The following CHST12 variants were observed in gnomAD, a reference collection of about 807,000 sequenced individuals.
CHST12 encodes carbohydrate sulfotransferase 12.
In CHST12, 23 loss-of-function variants were observed where a neutral mutation model predicts 27.9. The ratio of observed to expected loss-of-function variants is 0.82; its 90% CI spans 0.59 to 1.17. CHST12 has a LOEUF of 1.17. Ranked by LOEUF, CHST12 falls within the 50% of genes most tolerant of loss-of-function variation. CHST12 has a pLI of 0.00. For missense variants in CHST12, 682 were observed against 603.0 expected, an observed-to-expected ratio of 1.13 and a Z score of -1.37; for synonymous variants, 322 against 273.0, an observed-to-expected ratio of 1.18 and a Z score of -1.77.
chr7:2,446,609 AC>A lies in CHST12; in HGVS notation c.*12727del, dbSNP rs1782759773. 1 of 152,570 alleles carries A rather than the reference AC, an allele frequency of 6.6e-6. No individual in the cohort carries two copies. The highest frequency in any genetic ancestry group is 2.4e-5 in the African/African-American group (1 of 41,316). 9.5% of individuals were successfully genotyped at this position (152,570 alleles called of 1,614,324 possible). A position where few individuals can be genotyped will look rare whatever the true frequency, so the allele number is the denominator to read the frequency against. On this transcript the variant is annotated 3_prime_UTR_variant, in exon 2 of 2. Coordinates refer to ENST00000618655, the MANE Select transcript of CHST12 (RefSeq NM_018641.5). ...TGCCATGAGAATGAGATGTCCAGGG[AC>A]CTCCCTGCTCCAGCTGGGACCTGTG...
chr7:2,415,783 T>A (rs1781791126), intron 1 of CHST12, among the ~76,000 whole-genome samples: 1 of 151,960 alleles, frequency 6.6e-6, no homozygotes, highest in African/African-American at 2.4e-5. Context: ...TGGCTAATTT[T>A]TTTTGTATTT....
chr7:2,426,565 T>C (rs182967786), intron 1 of CHST12, among the ~76,000 whole-genome samples: 13 of 151,732 alleles, frequency 8.6e-5, no homozygotes, highest in African/African-American at 2.9e-4. Context: ...CAGATGTCCT[T>C]GCCTTGTTCA....
intron 1 of CHST12, among the ~76,000 whole-genome samples, chr7:2,415,809 T>C (rs1781791712): frequency 6.6e-6 from 1 of 151,628 alleles, no homozygotes; most frequent in Non-Finnish European, 1.5e-5. Flanking sequence ...AGAGACGGGG[T>C]TTTACCGTGT....
In CHST12 at chr7:2,434,627, G is replaced by C. The variant is rs933990997; in HGVS notation, c.*743G>C. On this transcript the variant is annotated 3_prime_UTR_variant, in exon 2 of 2. Coordinates refer to ENST00000618655, the MANE Select transcript of CHST12 (RefSeq NM_018641.5). Reference sequence around the variant, plus strand: ...AAAAAAAAAAAAAAATGAGTCGGGTGTGGTGGTGTGCACCTGTAGTCCCAG... The same window carrying C: ...AAAAAAAAAAAAAAATGAGTCGGGTCTGGTGGTGTGCACCTGTAGTCCCAG... The C allele has an allele frequency of 6.9e-6, 1 of 145,180 alleles. No homozygotes were observed. The highest frequency in any genetic ancestry group is 1.9e-4 in the East Asian group (1 of 5,160). 9.0% of individuals were successfully genotyped at this position (145,180 alleles called of 1,614,324 possible).
chr7:2,432,439 C>A (rs964155705), intron 1 of CHST12, 124 bp from the exon 2 acceptor site: 5 of 619,842 alleles, frequency 8.1e-6, no homozygotes, highest in African/African-American at 7.4e-5. Context: ...CTCTGGAGGG[C>A]GAGCTGATAT....
Position 2,433,934 on chromosome 7 carries a change from A to T in CHST12, c.*50A>T. On this transcript the variant is annotated 3_prime_UTR_variant, in exon 2 of 2. Transcript: ENST00000618655. The surrounding 1 kb of genome is among the most constrained non-coding windows in gnomAD (Gnocchi z 6.1). ...CGTGCCTGGAACCTGACGCACGCGCACTCCAGTTTTTTTATGACCTACGAT... is the reference window on the plus strand; with the variant it reads ...CGTGCCTGGAACCTGACGCACGCGCTCTCCAGTTTTTTTATGACCTACGAT... 2.0e-6 allele frequency: 3 copies of T among 1,494,340 alleles called. No homozygotes were observed. Among genetic ancestry groups the T allele is most frequent in the Non-Finnish European group, 2.7e-6 (3 of 1,113,250 alleles). 92.6% of individuals were successfully genotyped at this position (1,494,340 alleles called of 1,614,324 possible).
Position 2,448,409 on chromosome 7 carries a change from C to G in CHST12, c.*14525C>G, listed in dbSNP as rs1782808072. 1 of 152,426 alleles carries G rather than the reference C, an allele frequency of 6.6e-6. No individual in the cohort carries two copies. The highest frequency in any genetic ancestry group is 6.5e-5 in the Admixed American group (1 of 15,278). 9.4% of individuals were successfully genotyped at this position (152,426 alleles called of 1,614,324 possible). A position where few individuals can be genotyped will look rare whatever the true frequency, so the allele number is the denominator to read the frequency against. The stretch of plus-strand genomic sequence containing the variant: ...CAGTCCTTGTCCAAACCTCGAAGCT[C>G]AGGACCTCACAGAGCACCACGTCCT... On this transcript the variant is annotated 3_prime_UTR_variant, in exon 2 of 2. Coordinates refer to ENST00000618655, the MANE Select transcript of CHST12 (RefSeq NM_018641.5).
Position 2,438,655 on chromosome 7 carries a change from C to T in CHST12, c.*4771C>T, listed in dbSNP as rs1782531071. ...GCATGGACGTAATTAACCTAAAAGTCTTTAAACGTTTCTCCCGAGTGTTGG... is the reference window on the plus strand; with the variant it reads ...GCATGGACGTAATTAACCTAAAAGTTTTTAAACGTTTCTCCCGAGTGTTGG... On this transcript the variant is annotated 3_prime_UTR_variant, in exon 2 of 2. Coordinates refer to ENST00000618655, the MANE Select transcript of CHST12 (RefSeq NM_018641.5). 3 of 152,220 alleles carry T rather than the reference C, an allele frequency of 2.0e-5. No homozygotes were observed. Among genetic ancestry groups the T allele is most frequent in the African/African-American group, 4.8e-5 (2 of 41,460 alleles). 9.4% of individuals were successfully genotyped at this position (152,220 alleles called of 1,614,324 possible). A position where few individuals can be genotyped will look rare whatever the true frequency, so the allele number is the denominator to read the frequency against.
chr7:2,405,970 G>A (rs1356525276), intron 1 of CHST12, among the ~76,000 whole-genome samples: 3 of 152,232 alleles, frequency 2.0e-5, no homozygotes, highest in East Asian at 1.9e-4. Flanking sequence ...GACCTTGGGC[G>A]TGCAGTTCCT....
At position 2,434,112 on chromosome 7, in the gene CHST12, A is replaced by AGCG. The variant is rs1782400615; in HGVS notation, c.*228_*229insGCG. 1 of 345,906 alleles carries AGCG rather than the reference A, an allele frequency of 2.9e-6. No individual in the cohort carries two copies. Among genetic ancestry groups the AGCG allele is most frequent in the Non-Finnish European group, 5.2e-6 (1 of 193,564 alleles). The allele number at this position is 345,906 out of a possible 1,614,324, so 21.4% of individuals were successfully genotyped here. ...TATCCCCTCTCCCCTCCGCCCGCCC[A>AGCG]CCCGCCCGCCCGCTCGCCCGCTCGC... On this transcript the variant is annotated 3_prime_UTR_variant, in exon 2 of 2. Transcript: ENST00000618655.
chr7:2,430,803 G>T (rs1782253287), intron 1 of CHST12, among the ~76,000 whole-genome samples: 1 of 152,218 alleles, frequency 6.6e-6, no homozygotes, highest in Non-Finnish European at 1.5e-5. Flanking sequence ...GGCCAGGCTG[G>T]TCTCCAACTC....
intron 1 of CHST12, among the ~76,000 whole-genome samples, chr7:2,404,535 C>T (rs1583203178): frequency 6.6e-6 from 1 of 152,262 alleles, no homozygotes; most frequent in Admixed American, 6.5e-5. Context: ...CCAGGCCCTA[C>T]GGTGCTGTTC....
chr7:2,410,911 A>G (rs963670192), intron 1 of CHST12, among the ~76,000 whole-genome samples: 1 of 151,802 alleles, frequency 6.6e-6, no homozygotes, highest in East Asian at 1.9e-4. Context: ...TTGAAAATGG[A>G]TTGTGTGGGC....
Position 2,438,261 on chromosome 7 carries a change from A to G in CHST12, c.*4377A>G, listed in dbSNP as rs534962308. 6.6e-6 allele frequency: 1 copy of G among 152,334 alleles called. No individual in the cohort carries two copies. The highest frequency in any genetic ancestry group is 1.9e-4 in the East Asian group (1 of 5,186). 9.4% of individuals were successfully genotyped at this position (152,334 alleles called of 1,614,324 possible). A position where few individuals can be genotyped will look rare whatever the true frequency, so the allele number is the denominator to read the frequency against. ...GTGACAGGTGTTTCCCTGCGGCAGAATGTTGGGGCCACACCAACGTCCCCA... is the reference window on the plus strand; with the variant it reads ...GTGACAGGTGTTTCCCTGCGGCAGAGTGTTGGGGCCACACCAACGTCCCCA... On this transcript the variant is annotated 3_prime_UTR_variant, in exon 2 of 2. Transcript: ENST00000618655.
intron 1 of CHST12, among the ~76,000 whole-genome samples, chr7:2,423,709 G>A (rs1479517591): frequency 3.3e-5 from 5 of 152,172 alleles, no homozygotes; most frequent in Admixed American, 1.3e-4. Context: ...AATCATCCCA[G>A]CTCCTTTCAT....
rs1034071928 is a variant in CHST12 at position 2,434,099 on chromosome 7, C to T, written c.*215C>T. On this transcript the variant is annotated 3_prime_UTR_variant, in exon 2 of 2. Transcript: ENST00000618655. ...TGCTGGAGTAAAATATCCCCTCTCC[C>T]CTCCGCCCGCCCACCCGCCCGCCCG... The T allele has an allele frequency of 7.1e-6, 3 of 424,628 alleles. No homozygotes were observed. Among genetic ancestry groups the T allele is most frequent in the East Asian group, 7.8e-5 (2 of 25,760 alleles). 26.3% of individuals were successfully genotyped at this position (424,628 alleles called of 1,614,324 possible).
Position 2,434,145 on chromosome 7 carries a change from T to TCGCCCGCTCGCCCGCTCGCCC in CHST12, c.*261_*262insCGCCCGCTCGCCCGCTCGCCC. The TCGCCCGCTCGCCCGCTCGCCC allele has an allele frequency of 3.8e-6, 1 of 265,488 alleles. No individual in the cohort carries two copies. The highest frequency in any genetic ancestry group is 6.9e-6 in the Non-Finnish European group (1 of 144,416). 16.4% of individuals were successfully genotyped at this position (265,488 alleles called of 1,614,324 possible). A position where few individuals can be genotyped will look rare whatever the true frequency, so the allele number is the denominator to read the frequency against. ...GCCCGCTCGCCCGCTCGCCCGCTCC[T>TCGCCCGCTCGCCCGCTCGCCC]GTGGTTTTTCTGAGCGTGCGGGCGC... On this transcript the variant is annotated 3_prime_UTR_variant, in exon 2 of 2. Coordinates refer to ENST00000618655, the MANE Select transcript of CHST12 (RefSeq NM_018641.5).
At chr7:2,410,196 G>T (rs1335131665) in intron 1 of CHST12, among the ~76,000 whole-genome samples, 1 of 152,210 alleles carries the variant, frequency 6.6e-6, no homozygotes, top group African/African-American at 2.4e-5. Flanking sequence ...TAGGCAATCA[G>T]AGTTTGTCTG....
chr7:2,427,071 C>T (rs1452812534), intron 1 of CHST12, among the ~76,000 whole-genome samples: 2 of 141,028 alleles, frequency 1.4e-5, no homozygotes, highest in South Asian at 2.2e-4. Flanking sequence ...TTTGCAAGGC[C>T]GAGGTGGCCA....
Sources: allele counts gnomAD v4.1 joint callset (sites outside exome capture counted in the v4.1 genomes callset), GRCh38; gene constraint gnomAD v4.1.1; non-coding constraint Gnocchi (gnomAD v3.1); transcripts MANE v1.5; gene names NCBI Gene and HGNC (gene_info 2026-07-23, HGNC 2026-07-21).